Variants in RUFY3 observed in about 807,000 individuals in gnomAD.
RUFY3 encodes protein RUFY3.
RUFY3 carries 34 observed loss-of-function variants against 84.0 expected under a neutral mutation model. The observed-to-expected ratio is 0.40, with a 90% CI of 0.31 to 0.54. The LOEUF is 0.54. Among genes scored for constraint, RUFY3 ranks in the 20% least tolerant of loss-of-function variants. RUFY3 has a pLI of 0.39. For missense variants in RUFY3, 507 were observed against 736.8 expected, an observed-to-expected ratio of 0.69 and a Z score of 3.61; for synonymous variants, 242 against 252.9, an observed-to-expected ratio of 0.96 and a Z score of 0.41.
chr4:70,792,011 G>A (rs1410124164), intron 12 of RUFY3: 16 of 984,800 alleles, frequency 1.6e-5, no homozygotes, highest in Admixed American at 6.2e-5. Flanking sequence ...TAATGTGGAC[G>A]CCTGGGGAAA....
In RUFY3 at chr4:70,738,456, G is replaced by A. The variant is rs952711148; in HGVS notation, c.178+15705G>A. 5.4e-5 allele frequency among the ~76,000 whole-genome samples: 8 copies of A among 147,228 alleles called. No homozygotes were observed. In the East Asian group the frequency reaches 6.2e-4, roughly 11 times the overall value. On this transcript the variant is annotated intron_variant, in intron 1 of 17. Transcript: ENST00000381006. Reference sequence around the variant, plus strand: ...TGGCTCACTGCAGCCCCCGCCTCCCGGGTTGAAGCAATTATCCTGCCTCAG... The same window carrying A: ...TGGCTCACTGCAGCCCCCGCCTCCCAGGTTGAAGCAATTATCCTGCCTCAG...
chr4:70,790,982 A>G (rs1334032926), intron 12 of RUFY3, among the ~76,000 whole-genome samples: 1 of 152,188 alleles, frequency 6.6e-6, no homozygotes, highest in Non-Finnish European at 1.5e-5. Context: ...ACTTGCTCAT[A>G]AACAGTTATA....
intron 1 of RUFY3, among the ~76,000 whole-genome samples, chr4:70,735,125 A>C (rs1438691254): frequency 6.6e-6 from 1 of 152,214 alleles, no homozygotes; most frequent in Non-Finnish European, 1.5e-5. Context: ...CCTGAGTACC[A>C]ACCAAGATCT....
intron 5 of RUFY3, 58 bp from the exon 6 acceptor site, chr4:70,773,453 G>A: frequency 8.1e-7 from 1 of 1,236,492 alleles, no homozygotes; most frequent in Non-Finnish European, 1.2e-6. Context: ...GAGACATTGT[G>A]TTATGCCTTG....
intron 1 of RUFY3, among the ~76,000 whole-genome samples, chr4:70,738,380 T>C (rs1386239093): frequency 3.0e-4 from 34 of 114,664 alleles, no homozygotes; most frequent in African/African-American, 1.2e-3. Flanking sequence ...TTTTTTTTTT[T>C]GAGACGGAGT....
chr4:70,766,724 C>T (rs1726001203), intron 4 of RUFY3, among the ~76,000 whole-genome samples: 1 of 152,160 alleles, frequency 6.6e-6, no homozygotes. Flanking sequence ...CCTACATTGA[C>T]ACATCATTAT....
intron 1 of RUFY3, among the ~76,000 whole-genome samples, chr4:70,733,855 A>G (rs1719855774): frequency 1.3e-5 from 2 of 152,170 alleles, no homozygotes; most frequent in South Asian, 4.1e-4. Context: ...ATATTTCTTT[A>G]TATCTCCCAA....
At chr4:70,732,658 C>CA (rs1163223985) in intron 1 of RUFY3, among the ~76,000 whole-genome samples, 2 of 151,020 alleles carry the variant, frequency 1.3e-5, no homozygotes, top group South Asian at 2.1e-4. Flanking sequence ...ATCACAAGGA[C>CA]AAAAAACCAA....
intron 1 of RUFY3, among the ~76,000 whole-genome samples, chr4:70,757,611 T>TA (rs1466747798): frequency 6.6e-6 from 1 of 152,076 alleles, no homozygotes. Context: ...TCTGAAAAAT[T>TA]AAAAAATTAA....
intron 5 of RUFY3, among the ~76,000 whole-genome samples, chr4:70,772,107 GAAATA>G (rs1023074837): frequency 6.7e-6 from 1 of 149,984 alleles, no homozygotes; most frequent in African/African-American, 2.4e-5. Context: ...CTTTGTCTCA[GAAATA>G]AAATAATATA....
chr4:70,794,449 TG>T (rs1380857171), intron 13 of RUFY3, among the ~76,000 whole-genome samples: 1 of 152,034 alleles, frequency 6.6e-6, no homozygotes, highest in Admixed American at 6.6e-5. Flanking sequence ...GACATAGTGG[TG>T]GGTGCCAGTA....
chr4:70,715,405 G>A (rs370005763), intron 1 of RUFY3, among the ~76,000 whole-genome samples: 1 of 151,798 alleles, frequency 6.6e-6, no homozygotes, highest in Non-Finnish European at 1.5e-5. Context: ...CCAACATGGC[G>A]AAACCCTGTC....
At chr4:70,717,315 G>A (rs144923677), upstream of RUFY3, among the ~76,000 whole-genome samples, 281 of 152,230 alleles carry the variant, frequency 1.8e-3, no homozygotes, top group South Asian at 4.4e-3. Flanking sequence ...GAGACAGAGT[G>A]GTAGTAGGGT....
At chr4:70,749,398 A>AT (rs1012216270) in intron 1 of RUFY3, among the ~76,000 whole-genome samples, 2 of 151,316 alleles carry the variant, frequency 1.3e-5, no homozygotes, top group Admixed American at 6.6e-5. Context: ...AAGCTAATAT[A>AT]TTTTTTTTTA....
At chr4:70,775,141 A>G (rs1371303756) in intron 6 of RUFY3, 27 bp from the exon 7 acceptor site, 3 of 1,537,490 alleles carry the variant, frequency 2.0e-6, no homozygotes, top group Non-Finnish European at 2.7e-6. Flanking sequence ...TATTTATTTT[A>G]TTTCTATTTT....
intron 1 of RUFY3, among the ~76,000 whole-genome samples, chr4:70,752,254 TG>T (rs1723262286): frequency 6.6e-6 from 1 of 152,248 alleles, no homozygotes; most frequent in South Asian, 2.1e-4. Context: ...AATTAATTTT[TG>T]TGTATTGATC....
intron 1 of RUFY3, among the ~76,000 whole-genome samples, chr4:70,744,943 C>T (rs1238454514): frequency 6.6e-6 from 1 of 151,534 alleles, no homozygotes; most frequent in African/African-American, 2.4e-5. Context: ...ACATGAGCCA[C>T]TGTGCCCAGC....
At chr4:70,730,260 A>G (rs1176477098) in intron 1 of RUFY3, among the ~76,000 whole-genome samples, 3 of 152,092 alleles carry the variant, frequency 2.0e-5, no homozygotes, top group Non-Finnish European at 4.4e-5. Context: ...TTTTAGGGAT[A>G]AGGAGTCTGA....
At chr4:70,706,121 A>G (rs985779651) in intron 1 of RUFY3, among the ~76,000 whole-genome samples, 1 of 152,206 alleles carries the variant, frequency 6.6e-6, no homozygotes, top group Non-Finnish European at 1.5e-5. Context: ...CAATGAATAT[A>G]AGGACTCTTA....
Sources: gnomAD v4.1 joint callset for allele counts (sites outside exome capture counted in the v4.1 genomes callset) on GRCh38, gnomAD v4.1.1 for gene constraint, MANE v1.5 for transcripts, NCBI Gene and HGNC (gene_info 2026-07-23, HGNC 2026-07-21) for gene names.